CT55: variants seen among roughly 807,000 people sequenced by gnomAD.
The protein encoded by CT55 is BRCA2-interacting protein.
Under a neutral mutation model 12.6 loss-of-function variants are expected in CT55, and 1 was observed. The ratio of observed to expected loss-of-function variants is 0.08; its 90% confidence interval spans 0.03 to 0.38. The LOEUF is 0.38. Ranked by LOEUF, CT55 falls within the 10% of genes least tolerant of loss-of-function variation. The pLI is 0.99. For synonymous variants in CT55, 43 were observed against 49.7 expected (o/e 0.87, Z 0.57); for missense variants, 109 against 135.4 (o/e 0.80, Z 0.97).
Position 135,171,046 on chromosome X carries a change from G to T in CT55, c.94+32C>A, listed in dbSNP as rs372206300. On this transcript the variant is annotated intron_variant, in intron 1 of 5. Transcript: ENST00000276241. ...AGAACCCCTATTGGGAGGCTTCTGG[G>T]GTGGGGGACAAGGGGACACACAGAG... is the stretch of plus-strand genomic sequence containing the variant. The T allele has an allele frequency of 4.2e-6, 5 of 1,204,528 alleles. No homozygotes were observed. The African/African-American group carries it at 7.0e-5, about 17-fold the overall frequency.
At chrX:135,161,188 G>A (rs782568127) in intron 2 of CT55, among the ~76,000 whole-genome samples, 5 of 110,890 alleles carry the variant, frequency 4.5e-5, no homozygotes, top group Non-Finnish European at 9.4e-5. Context: ...TCAAATTAGG[G>A]CTTTACTTTA....
Position 135,171,256 on chromosome X carries a change from C to T in CT55, c.-85G>A. 5.1e-6 allele frequency: 6 copies of T among 1,174,202 alleles called. No homozygotes were observed. The highest frequency in any genetic ancestry group is 2.0e-5 in the South Asian group (1 of 50,421). ...CTCAGTAAGGGAAGCCCTCAGGTCA[C>T]GGCGTCTCCTCAGGGACTCACTTCC... On this transcript the variant is annotated 5_prime_UTR_variant, in exon 1 of 6. In the 5' UTR this introduces an upstream ATG that the reference lacks. Transcript: ENST00000276241.
chrX:135,170,814 G>A (rs1266145632), intron 1 of CT55, among the ~76,000 whole-genome samples: 3 of 111,849 alleles, frequency 2.7e-5, no homozygotes, highest in African/African-American at 9.8e-5. Flanking sequence ...GACCACGTGG[G>A]GGAAAAGCAC....
chrX:135,159,767 A>G (rs1556404811), intron 3 of CT55, among the ~76,000 whole-genome samples: 1 of 111,946 alleles, frequency 8.9e-6, no homozygotes, highest in Non-Finnish European at 1.9e-5. Flanking sequence ...TGCACCCAAG[A>G]AAACAAACTA....
At chrX:135,165,749 A>G (rs1379152446) in intron 2 of CT55, among the ~76,000 whole-genome samples, 23 of 110,911 alleles carry the variant, frequency 2.1e-4, no homozygotes, top group African/African-American at 6.9e-4. Flanking sequence ...AGCACAAATG[A>G]CATCACCAAA....
chrX:135,165,475 G>T lies in CT55; in HGVS notation c.279+4119C>A, dbSNP rs143752207. The stretch of plus-strand genomic sequence containing the variant: ...TACATCAATAAAACCTACCTCAAAA[G>T]AAAAGATACATCTTAAATAAACAAC... On this transcript the variant is annotated intron_variant, in intron 2 of 5. Coordinates refer to ENST00000276241, the MANE Select transcript of CT55 (RefSeq NM_001031705.3). Among the ~76,000 whole-genome samples the T allele has an allele frequency of 1.6e-4, 18 of 111,242 alleles. No individual in the cohort carries two copies. The East Asian group carries it at 4.5e-3, about 28-fold the overall frequency.
intron 2 of CT55, among the ~76,000 whole-genome samples, chrX:135,163,652 A>C (rs1486048599): frequency 1.8e-5 from 2 of 111,833 alleles, no homozygotes; most frequent in Non-Finnish European, 3.8e-5. Flanking sequence ...AAAAAATAAT[A>C]ATGGAGAGCC....
rs2083564385 is a variant in CT55 at position 135,161,916 on chromosome X, A to T, written c.280-1361T>A. Among the ~76,000 whole-genome samples, 3 of 112,428 alleles carry T rather than the reference A, an allele frequency of 2.7e-5. No homozygotes were observed. The South Asian group carries it at 1.1e-3, about 41-fold the overall frequency. ...ACTTCCGTCAGTATCCCAGTGGATG[A>T]TCCACAGCACCCTCGGACCTCTCTG... On this transcript the variant is annotated intron_variant, in intron 2 of 5. Coordinates refer to ENST00000276241, the MANE Select transcript of CT55 (RefSeq NM_001031705.3).
chrX:135,159,063 A>G (rs1408819039), intron 3 of CT55, among the ~76,000 whole-genome samples: 1 of 112,077 alleles, frequency 8.9e-6, no homozygotes, highest in Non-Finnish European at 1.9e-5. Context: ...AGTTACGTGA[A>G]AGAATCTGGA....
intron 1 of CT55, among the ~76,000 whole-genome samples, 194 bp downstream of exon 1, chrX:135,170,884 G>T (rs782356131): frequency 8.9e-6 from 1 of 112,049 alleles, no homozygotes; most frequent in Non-Finnish European, 1.9e-5. Context: ...ATGGACAGGA[G>T]AGTTTGGGGG....
At chrX:135,157,802 C>T (rs1282286270) in intron 4 of CT55, among the ~76,000 whole-genome samples, 2 of 23,573 alleles carry the variant, frequency 8.5e-5, no homozygotes, top group Admixed American at 1.1e-3. Flanking sequence ...CTTGAATTGC[C>T]TGTGCATATT....
chrX:135,161,734 G>T (rs782388895), intron 2 of CT55, among the ~76,000 whole-genome samples: 8 of 112,438 alleles, frequency 7.1e-5, no homozygotes, highest in South Asian at 7.3e-4. Context: ...GAGTTGTAAA[G>T]AATTTTTCAT....
chrX:135,164,881 T>A (rs2083576728), intron 2 of CT55, among the ~76,000 whole-genome samples: 1 of 112,208 alleles, frequency 8.9e-6, no homozygotes, highest in South Asian at 3.7e-4. Flanking sequence ...CAAGAGGATA[T>A]AATGATTTCC....
chrX:135,158,450 C>G (rs782419103), intron 3 of CT55, 139 bp from the exon 4 acceptor site: 14 of 408,882 alleles, frequency 3.4e-5, no homozygotes, highest in Non-Finnish European at 5.5e-5. Context: ...TTTAAACAGA[C>G]ACTACAAATC....
At chrX:135,158,465 A>T (rs2148442074) in intron 3 of CT55, among the ~76,000 whole-genome samples, 154 bp from the exon 4 acceptor site, 1 of 112,674 alleles carries the variant, frequency 8.9e-6, no homozygotes, top group East Asian at 2.8e-4. Flanking sequence ...CAAATCTCTA[A>T]GTCCAAAAAG....
At chrX:135,166,596 GT>G (rs2083586386) in intron 2 of CT55, among the ~76,000 whole-genome samples, 1 of 111,884 alleles carries the variant, frequency 8.9e-6, no homozygotes, top group Non-Finnish European at 1.9e-5. Context: ...AGTTCTGGAA[GT>G]GCTAACCAGA....
chrX:135,166,052 A>C (rs1445545862), intron 2 of CT55, among the ~76,000 whole-genome samples: 1 of 104,277 alleles, frequency 9.6e-6, no homozygotes, highest in African/African-American at 3.5e-5. Context: ...AAAAAAAAAA[A>C]AAAAAAAAAA....
chrX:135,161,842 C>T (rs191188020), intron 2 of CT55, among the ~76,000 whole-genome samples: 174 of 112,648 alleles, frequency 1.5e-3, no homozygotes, highest in African/African-American at 5.4e-3. Flanking sequence ...CCCTCACTTA[C>T]TGTCATGAAG....
chrX:135,159,113 C>T (rs2083550492), intron 3 of CT55, among the ~76,000 whole-genome samples: 1 of 111,000 alleles, frequency 9.0e-6, no homozygotes, highest in African/African-American at 3.3e-5. Flanking sequence ...CAGTAAATTG[C>T]CACAATGAAA....
Sources: allele counts gnomAD v4.1 joint callset (sites outside exome capture counted in the v4.1 genomes callset), GRCh38; gene constraint gnomAD v4.1.1; transcripts MANE v1.5; gene names NCBI Gene and HGNC (gene_info 2026-07-23, HGNC 2026-07-21).